RMND1: variants seen among roughly 807,000 people sequenced by gnomAD.
The protein encoded by RMND1 is required for meiotic nuclear division protein 1 homolog.
In RMND1, 41 loss-of-function variants were observed where a neutral mutation model predicts 54.0. The observed-to-expected ratio is 0.76, with a 90% CI of 0.59 to 0.98. RMND1 has a LOEUF of 0.98. RMND1 is among the 50% of genes least tolerant of loss of function. The probability of loss-of-function intolerance (pLI) is 0.00; values close to 1 mark genes in which losing one functional copy is unlikely to be tolerated. For missense variants in RMND1, 457 were observed against 532.0 expected (o/e 0.86, Z 1.39); for synonymous variants, 183 against 181.7 (o/e 1.01, Z -0.06).
intron 4 of RMND1, among the ~76,000 whole-genome samples, chr6:151,430,924 TAGTA>T (rs1365379108): frequency 3.3e-5 from 5 of 150,550 alleles, no homozygotes; most frequent in Non-Finnish European, 5.9e-5. Context: ...CTAAAGTACT[TAGTA>T]TATGTGTGGG....
chr6:151,427,199 A>G lies in RMND1; in HGVS notation c.830+283T>C, dbSNP rs113262453. On this transcript the variant is annotated intron_variant, in intron 6 of 11. Coordinates refer to ENST00000444024, the MANE Select transcript of RMND1 (RefSeq NM_017909.4). ...AGACCATCCTGGCCAACATGGTGAAACCCTGTCTCTACTAAAAATACAAAA... is the reference window on the plus strand; with the variant it reads ...AGACCATCCTGGCCAACATGGTGAAGCCCTGTCTCTACTAAAAATACAAAA... 0.016 allele frequency among the ~76,000 whole-genome samples: 2,362 copies of G among 150,052 alleles called. 52 individuals are homozygous for G. Among genetic ancestry groups the G allele is most frequent in the African/African-American group, 0.051 (2,114 of 41,082 alleles).
Position 151,428,868 on chromosome 6 carries a change from T to C in RMND1, c.729+1270A>G, listed in dbSNP as rs192084250. Among the ~76,000 whole-genome samples, 5 of 152,322 alleles carry C rather than the reference T, an allele frequency of 3.3e-5. No individual in the cohort carries two copies. The South Asian group carries it at 6.2e-4, about 19-fold the overall frequency. On this transcript the variant is annotated intron_variant, in intron 5 of 11. Transcript: ENST00000444024. ...AATATTGCTAGCCTGCTCTCCAAAG[T>C]AGTTTTTCCAAATGTAGAATCTCAA...
intron 4 of RMND1, among the ~76,000 whole-genome samples, chr6:151,431,240 C>T (rs1460968706): frequency 6.6e-6 from 1 of 151,994 alleles, no homozygotes; most frequent in Non-Finnish European, 1.5e-5. Flanking sequence ...TGCGTGGCTG[C>T]AGATGTGGTC....
At chr6:151,446,099 CATTT>C in intron 1 of RMND1, 1 of 319,956 alleles carries the variant, frequency 3.1e-6, no homozygotes, top group East Asian at 6.4e-5. Flanking sequence ...GGGACCACTT[CATTT>C]ACTTCATTAG....
At position 151,445,291 on chromosome 6, in the gene RMND1, G is replaced by A. The variant is rs968875959; in HGVS notation, c.504+17C>T. ...AATGATCACTAAGCACGAGAGCCACGGCCACCCCTACTTTACCTCGTTCAC... is the reference window on the plus strand; with the variant it reads ...AATGATCACTAAGCACGAGAGCCACAGCCACCCCTACTTTACCTCGTTCAC... On this transcript the variant is annotated intron_variant, in intron 2 of 11. Transcript: ENST00000444024. 1.2e-5 allele frequency: 19 copies of A among 1,590,412 alleles called. No individual in the cohort carries two copies. The highest frequency in any genetic ancestry group is 1.6e-5 in the Non-Finnish European group (19 of 1,169,402).
chr6:151,407,781 C>G (rs1423624428), intron 10 of RMND1, among the ~76,000 whole-genome samples: 1 of 152,068 alleles, frequency 6.6e-6, no homozygotes, highest in African/African-American at 2.4e-5. Flanking sequence ...TGTGGCGGCC[C>G]CTGTTGTCCC....
At chr6:151,438,442 C>A (rs1216920107) in intron 2 of RMND1, among the ~76,000 whole-genome samples, 1 of 152,174 alleles carries the variant, frequency 6.6e-6, no homozygotes, top group Non-Finnish European at 1.5e-5. Flanking sequence ...ACAAGCTAGT[C>A]CACTGAAGGA....
chr6:151,413,821 A>C (rs547256505), intron 10 of RMND1: 2 of 152,172 alleles, frequency 1.3e-5, no homozygotes, highest in African/African-American at 4.8e-5. Context: ...ATCACTAATC[A>C]ATCTTTCTGT....
intron 6 of RMND1, among the ~76,000 whole-genome samples, chr6:151,424,965 C>T (rs779082674): frequency 1.1e-4 from 17 of 151,846 alleles, no homozygotes; most frequent in Admixed American, 9.8e-4. Context: ...TTTTTTGAGA[C>T]GGAGTCTTGC....
intron 10 of RMND1, among the ~76,000 whole-genome samples, chr6:151,410,336 T>C (rs1200258128): frequency 1.3e-5 from 2 of 152,154 alleles, no homozygotes; most frequent in African/African-American, 4.8e-5. Flanking sequence ...ATTACAGGCA[T>C]GAGCCACCGC....
intron 2 of RMND1, among the ~76,000 whole-genome samples, chr6:151,439,340 T>C (rs1262000240): frequency 6.6e-6 from 1 of 152,228 alleles, no homozygotes; most frequent in African/African-American, 2.4e-5. Context: ...TCTGAAAAAG[T>C]GGCATTTAAT....
At chr6:151,409,093 C>T (rs1755019530) in intron 10 of RMND1, among the ~76,000 whole-genome samples, 1 of 152,164 alleles carries the variant, frequency 6.6e-6, no homozygotes, top group African/African-American at 2.4e-5. Flanking sequence ...GTCTGTCTTG[C>T]AGCCAAAGGG....
intron 8 of RMND1, among the ~76,000 whole-genome samples, chr6:151,421,949 A>C (rs575216863): frequency 7.9e-4 from 120 of 152,156 alleles, no homozygotes; most frequent in African/African-American, 2.8e-3. Flanking sequence ...ACCCCATTTC[A>C]ATTATATTAA....
chr6:151,418,122 A>C (rs1780059238), intron 9 of RMND1, among the ~76,000 whole-genome samples: 1 of 152,164 alleles, frequency 6.6e-6, no homozygotes, highest in Middle Eastern at 3.4e-3. Flanking sequence ...TTTTTTATTA[A>C]AAATTTTAGG....
At chr6:151,409,482 G>C (rs1036390396) in intron 10 of RMND1, among the ~76,000 whole-genome samples, 11 of 152,178 alleles carry the variant, frequency 7.2e-5, no homozygotes, top group Admixed American at 3.3e-4. Context: ...TTTCTGGGGT[G>C]GGGGGGAATT....
intron 2 of RMND1, among the ~76,000 whole-genome samples, chr6:151,440,192 G>A (rs1202899043): frequency 6.6e-6 from 1 of 152,012 alleles, no homozygotes; most frequent in African/African-American, 2.4e-5. Flanking sequence ...CCTGACCTCT[G>A]GTAATCTGCC....
Position 151,445,663 on chromosome 6 carries a change from A to C in RMND1, c.149T>G (p.Leu50Trp). 6.2e-7 allele frequency: 1 copy of C among 1,614,174 alleles called. No individual in the cohort carries two copies. The highest frequency in any genetic ancestry group is 1.1e-5 in the South Asian group (1 of 91,088). ...TGTTTTATCAGGAAGGAACAAATCC[A>C]AGCTTTGACGTATTGTCAGTGTGCT... ...TCSTLTIRQS[L>W]DLFLPDKTAS... Residue 50 changes from leucine to tryptophan, a missense_variant, in exon 2 of 12, where the codon TTG (leucine) becomes TGG (tryptophan). By Grantham distance (61) the Leu-to-Trp change is moderately conservative (BLOSUM62 -2). Transcript: ENST00000444024.
At chr6:151,429,782 G>C (rs1057102150) in intron 5 of RMND1, among the ~76,000 whole-genome samples, 2 of 152,174 alleles carry the variant, frequency 1.3e-5, no homozygotes, top group Non-Finnish European at 2.9e-5. Context: ...CCCATGAGTA[G>C]TAAGTTCTAG....
intron 4 of RMND1, 78 bp downstream of exon 4, chr6:151,433,077 G>A: frequency 1.3e-6 from 1 of 761,122 alleles, no homozygotes; most frequent in Non-Finnish European, 2.2e-6. Flanking sequence ...GTTAAGAAAG[G>A]TATGCCTGCA....
Sources: allele counts gnomAD v4.1 joint callset (sites outside exome capture counted in the v4.1 genomes callset), GRCh38; gene constraint gnomAD v4.1.1; transcripts MANE v1.5; gene names NCBI Gene and HGNC (gene_info 2026-07-23, HGNC 2026-07-21).